The following SLC2A8 variants were observed in gnomAD, a reference collection of about 807,000 sequenced individuals.
SLC2A8 encodes solute carrier family 2 member 8.
A neutral mutation model predicts 49.2 loss-of-function variants in SLC2A8; 53 were observed. The observed-to-expected ratio is 1.08, with a 90% CI of 0.86 to 1.35. The LOEUF (loss-of-function observed/expected upper bound fraction) is 1.35, where lower values mean the gene tolerates loss of function less well. SLC2A8 is among the 40% of genes most tolerant of loss of function. The pLI is 0.00. For missense variants in SLC2A8, 688 were observed against 671.7 expected, an observed-to-expected ratio of 1.02 and a Z score of -0.27; for synonymous variants, 299 against 297.0, an observed-to-expected ratio of 1.01 and a Z score of -0.07.
At chr9:127,406,056 T>C (rs974171035) in intron 9 of SLC2A8, 1 of 518,962 alleles carries the variant, frequency 1.9e-6, no homozygotes, top group Non-Finnish European at 3.8e-6. Context: ...ACGGATGGAC[T>C]GGCACAGGTG....
chr9:127,405,714 C>A (rs896172159), intron 9 of SLC2A8, 149 bp downstream of exon 9: 2 of 1,116,774 alleles, frequency 1.8e-6, no homozygotes, highest in Admixed American at 2.3e-5. Flanking sequence ...TTGGGCAAGG[C>A]GACGTGGAGG....
chr9:127,407,390 C>G lies in SLC2A8; in HGVS notation c.*141C>G. 1 of 1,079,954 alleles carries G rather than the reference C, an allele frequency of 9.3e-7. No individual in the cohort carries two copies. Among genetic ancestry groups the G allele is most frequent in the South Asian group, 1.3e-5 (1 of 77,738 alleles). The allele number at this position is 1,079,954 out of a possible 1,614,324, so 66.9% of individuals were successfully genotyped here. A position where few individuals can be genotyped will look rare whatever the true frequency, so the allele number is the denominator to read the frequency against. ...GTCCCTCCTTCCTGTCATGCTCCCTCCAGCCCATGACCCGGGGCTAGGAGG... is the reference window on the plus strand; with the variant it reads ...GTCCCTCCTTCCTGTCATGCTCCCTGCAGCCCATGACCCGGGGCTAGGAGG... On this transcript the variant is annotated 3_prime_UTR_variant, in exon 10 of 10. Transcript: ENST00000373371.
rs184720360 is a variant in SLC2A8, at chr9:127,405,402, C to G, written c.1151-18C>G. The G allele has an allele frequency of 3.1e-4, 499 of 1,611,364 alleles. 4 individuals are homozygous for G. The African/African-American group carries it at 6.0e-3, about 19-fold the overall frequency. The stretch of plus-strand genomic sequence containing the variant: ...CCTGCGGACCCTGATGCCTGTCTTG[C>G]CTGTCTCGCTCCCACAGGCTTTGCG... On this transcript the variant is annotated intron_variant, in intron 8 of 9. Coordinates refer to ENST00000373371, the MANE Select transcript of SLC2A8 (RefSeq NM_014580.5).
At chr9:127,401,581 G>A (rs965267603) in intron 4 of SLC2A8, among the ~76,000 whole-genome samples, 12 of 152,224 alleles carry the variant, frequency 7.9e-5, no homozygotes, top group Admixed American at 2.0e-4. Context: ...GGTACTGGGT[G>A]TCCACCCACC....
At chr9:127,398,176 C>G (rs564818739) in intron 3 of SLC2A8, 65 bp downstream of exon 3, 2 of 1,507,978 alleles carry the variant, frequency 1.3e-6, no homozygotes, top group African/African-American at 2.7e-5. Context: ...TGGGACAAAC[C>G]GCTCCCCAGG....
chr9:127,397,221 G>C lies in SLC2A8; in HGVS notation c.-10G>C, dbSNP rs1223495126. On this transcript the variant is annotated 5_prime_UTR_variant, in exon 1 of 10. Transcript: ENST00000373371. ...GCGCCAGAGCTGGCCGATCGGCGTT[G>C]GCCGCCGACATGACGCCCGAGGACC... The C allele has an allele frequency of 3.4e-6, 5 of 1,458,214 alleles. No homozygotes were observed. The East Asian group carries it at 1.5e-4, about 44-fold the overall frequency. The allele number at this position is 1,458,214 out of a possible 1,614,324, so 90.3% of individuals were successfully genotyped here. A position where few individuals can be genotyped will look rare whatever the true frequency, so the allele number is the denominator to read the frequency against.
intron 7 of SLC2A8, chr9:127,404,566 C>A: frequency 3.9e-6 from 2 of 511,440 alleles, no homozygotes; most frequent in Non-Finnish European, 7.0e-6. Flanking sequence ...GGGTTACTCG[C>A]TGCTGCTTCT....
chr9:127,401,052 G>T (rs1473557027), intron 4 of SLC2A8, among the ~76,000 whole-genome samples: 1 of 152,128 alleles, frequency 6.6e-6, no homozygotes, highest in Admixed American at 6.5e-5. Flanking sequence ...CTGAGATCGC[G>T]CCACTGCACT....
At chr9:127,403,529 G>A (rs1833371202) in intron 5 of SLC2A8, 131 bp from the exon 6 acceptor site, 3 of 1,045,162 alleles carry the variant, frequency 2.9e-6, no homozygotes, top group Non-Finnish European at 4.3e-6. Context: ...TGAGGACACA[G>A]GGGGTGCTGG....
intron 5 of SLC2A8, 41 bp downstream of exon 5, chr9:127,402,794 A>T: frequency 6.7e-7 from 1 of 1,488,282 alleles, no homozygotes; most frequent in Non-Finnish European, 8.9e-7. Context: ...GTGGGACAGC[A>T]GTCACGGGAG....
intron 4 of SLC2A8, among the ~76,000 whole-genome samples, chr9:127,401,330 G>C (rs1443587648): frequency 6.6e-6 from 1 of 152,254 alleles, no homozygotes; most frequent in Non-Finnish European, 1.5e-5. Context: ...GATGACTTGA[G>C]AACCATGGGG....
rs1281762547 is a variant in SLC2A8 at position 127,399,473 on chromosome 9, G to A, written c.427-434G>A. 6.6e-6 allele frequency among the ~76,000 whole-genome samples: 1 copy of A among 152,102 alleles called. No individual in the cohort carries two copies. Among genetic ancestry groups the A allele is most frequent in the South Asian group, 2.1e-4 (1 of 4,822 alleles). On this transcript the variant is annotated intron_variant, in intron 3 of 9. Transcript: ENST00000373371. The surrounding 1 kb of genome is among the most constrained non-coding windows in gnomAD (Gnocchi z 4.2). The stretch of plus-strand genomic sequence containing the variant: ...GCAGGTTCCACTAAGGGGCTTCAGG[G>A]CCTGCCGTAACCCCCTGCAAGGACT...
In SLC2A8 at chr9:127,397,422, C is replaced by T; in HGVS notation, c.103C>T (p.Leu35=). 2.0e-6 allele frequency: 3 copies of T among 1,486,024 alleles called. No homozygotes were observed. The highest frequency in any genetic ancestry group is 2.7e-6 in the Non-Finnish European group (3 of 1,126,442). The allele number at this position is 1,486,024 out of a possible 1,614,324, so 92.1% of individuals were successfully genotyped here. ...RVFLAAFAAA[L]GPLSFGFALG... ...CTTCCTCGCCGCCTTCGCCGCTGCC[C>T]TGGGCCCACTCAGCTTCGGCTTCGC... Residue 35 remains leucine (L), a synonymous_variant, in exon 2 of 10, where the codon CTG becomes TTG. Transcript: ENST00000373371.
intron 5 of SLC2A8, chr9:127,403,313 C>T: frequency 2.9e-6 from 1 of 339,498 alleles, no homozygotes; most frequent in Non-Finnish European, 5.5e-6. Flanking sequence ...AGGGGAGGGT[C>T]AGGGCTGTAG....
chr9:127,404,104 G>C lies in SLC2A8; in HGVS notation c.976+37G>C, dbSNP rs11788710. The stretch of plus-strand genomic sequence containing the variant: ...CCCCTGTGCAGCCTCCCCGCCATGC[G>C]GGGGAGGGCCTTCGCCAAGGCCACC... On this transcript the variant is annotated intron_variant, in intron 7 of 9. Coordinates refer to ENST00000373371, the MANE Select transcript of SLC2A8 (RefSeq NM_014580.5). 983 of 1,449,830 alleles carry C rather than the reference G, an allele frequency of 6.8e-4. 1 individual carries two copies. Among genetic ancestry groups the C allele is most frequent in the Non-Finnish European group, 7.6e-4 (810 of 1,059,252 alleles). 89.8% of individuals were successfully genotyped at this position (1,449,830 alleles called of 1,614,324 possible).
intron 8 of SLC2A8, 90 bp from the exon 9 acceptor site, chr9:127,405,330 C>A: frequency 6.8e-7 from 1 of 1,468,378 alleles, no homozygotes; most frequent in Non-Finnish European, 9.2e-7. Flanking sequence ...GCCCCACAGG[C>A]TGGGAAGCTG....
chr9:127,401,930 C>T (rs1295650144), intron 4 of SLC2A8, among the ~76,000 whole-genome samples: 1 of 152,184 alleles, frequency 6.6e-6, no homozygotes, highest in Admixed American at 6.5e-5. Context: ...TCCAGGGCCC[C>T]TTTGTAAGAG....
At chr9:127,401,608 G>C (rs1833296116) in intron 4 of SLC2A8, among the ~76,000 whole-genome samples, 1 of 152,204 alleles carries the variant, frequency 6.6e-6, no homozygotes, top group Admixed American at 6.5e-5. Flanking sequence ...ACTATCTTCA[G>C]CTCATCTTAA....
rs1428319545 is a variant in SLC2A8, at chr9:127,397,940, G to A, written c.255G>A (p.Val85=). 1 of 1,533,044 alleles carries A rather than the reference G, an allele frequency of 6.5e-7. No homozygotes were observed. Among genetic ancestry groups the A allele is most frequent in the East Asian group, 2.5e-5 (1 of 40,802 alleles). 95.0% of individuals were successfully genotyped at this position (1,533,044 alleles called of 1,614,324 possible). ...CCCTGGGTGCCGCGGCGGGGGGAGT[G>A]CTGGGCGGCTGGCTGGTGGACCGCG... is the stretch of plus-strand genomic sequence containing the variant. ...VVTLGAAAGG[V]LGGWLVDRAG... is the part of the protein sequence containing the mutation. Residue 85 remains valine, a synonymous_variant, in exon 3 of 10, where the codon GTG becomes GTA. Coordinates refer to ENST00000373371, the MANE Select transcript of SLC2A8 (RefSeq NM_014580.5).
Sources: allele counts gnomAD v4.1 joint callset (sites outside exome capture counted in the v4.1 genomes callset), GRCh38; gene constraint gnomAD v4.1.1; non-coding constraint Gnocchi (gnomAD v3.1); transcripts MANE v1.5; gene names NCBI Gene and HGNC (gene_info 2026-07-23, HGNC 2026-07-21).